NDUFAF6: variants seen among roughly 807,000 people sequenced by gnomAD.
The protein encoded by NDUFAF6 is NADH:ubiquinone oxidoreductase complex assembly factor 6.
In NDUFAF6, 45 loss-of-function variants were observed where a neutral mutation model predicts 40.8. That is an observed-to-expected ratio of 1.10 (90% confidence interval 0.87 to 1.42). NDUFAF6 has a LOEUF of 1.42. NDUFAF6 is among the 40% of genes most tolerant of loss of function. The pLI, the probability that NDUFAF6 is intolerant of heterozygous loss-of-function variation, is 0.00. For synonymous variants in NDUFAF6, 185 were observed against 155.9 expected (o/e 1.19, Z -1.39); for missense variants, 435 against 418.5 (o/e 1.04, Z -0.34).
intron 2 of NDUFAF6, among the ~76,000 whole-genome samples, chr8:95,006,168 G>A (rs985691776): frequency 1.5e-4 from 23 of 151,532 alleles, no homozygotes; most frequent in African/African-American, 5.3e-4. Flanking sequence ...GACCAGCCTG[G>A]CCAACATGGT....
chr8:95,067,542 G>A (rs1189782697), intron 9 of NDUFAF6: 2 of 151,964 alleles, frequency 1.3e-5, no homozygotes, highest in Non-Finnish European at 2.9e-5. Context: ...ACCTAGCAGG[G>A]CTAGGGGGAG....
intron 2 of NDUFAF6, among the ~76,000 whole-genome samples, chr8:95,014,945 T>C (rs1210376828): frequency 6.6e-6 from 1 of 152,224 alleles, no homozygotes; most frequent in Non-Finnish European, 1.5e-5. Context: ...CTACCATCTA[T>C]ATAATCCCCC....
intron 2 of NDUFAF6, among the ~76,000 whole-genome samples, chr8:95,088,516 G>T (rs994815249): frequency 1.3e-5 from 2 of 152,026 alleles, no homozygotes; most frequent in African/African-American, 4.8e-5. Flanking sequence ...CCCACACTTT[G>T]TAAAACAACA....
At chr8:95,002,282 A>G (rs749435217) in intron 2 of NDUFAF6, among the ~76,000 whole-genome samples, 1 of 152,076 alleles carries the variant, frequency 6.6e-6, no homozygotes, top group Non-Finnish European at 1.5e-5. Context: ...TTTCTTCTCT[A>G]TTATTCATTT....
At chr8:95,044,231 A>G (rs1229782750) in intron 4 of NDUFAF6, among the ~76,000 whole-genome samples, 1 of 151,512 alleles carries the variant, frequency 6.6e-6, no homozygotes, top group African/African-American at 2.4e-5. Context: ...GGAGGGGGGG[A>G]AATGGGAAGT....
intron 1 of NDUFAF6, among the ~76,000 whole-genome samples, chr8:94,908,513 G>A (rs920412475): frequency 2.6e-5 from 4 of 151,872 alleles, no homozygotes; most frequent in Admixed American, 1.3e-4. Flanking sequence ...GGGACTACAG[G>A]AATGCACCCT....
Position 95,025,033 on chromosome 8 carries a change from G to T in NDUFAF6, c.25G>T (p.Val9Phe). ...CATGGCGGCCTCCGCGCACGGCTCTGTCTGGGGGCCGTTGCGGCTTGGCAT... is the reference window on the plus strand; with the variant it reads ...CATGGCGGCCTCCGCGCACGGCTCTTTCTGGGGGCCGTTGCGGCTTGGCAT... MAASAHGS[V>F]WGPLRLGIPG... The change falls in exon 1 of 9, where the codon GTC (valine) becomes TTC (phenylalanine). Residue 9 changes from valine (V) to phenylalanine (F), a missense_variant. Coordinates refer to ENST00000396124, the MANE Select transcript of NDUFAF6 (RefSeq NM_152416.4). 1 of 1,410,024 alleles carries T rather than the reference G, an allele frequency of 7.1e-7. No homozygotes were observed. Among genetic ancestry groups the T allele is most frequent in the Non-Finnish European group, 9.1e-7 (1 of 1,094,244 alleles). 87.3% of individuals were successfully genotyped at this position (1,410,024 alleles called of 1,614,324 possible). A position where few individuals can be genotyped will look rare whatever the true frequency, so the allele number is the denominator to read the frequency against.
chr8:94,950,077 C>T (rs1174880829), intron 2 of NDUFAF6: 2 of 152,304 alleles, frequency 1.3e-5, no homozygotes, highest in Non-Finnish European at 2.9e-5. Flanking sequence ...GGCCTGAAGG[C>T]AGAGAGGTCA....
chr8:94,947,414 CCTT>C (rs1243949509), intron 2 of NDUFAF6, among the ~76,000 whole-genome samples: 1 of 152,168 alleles, frequency 6.6e-6, no homozygotes, highest in African/African-American at 2.4e-5. Flanking sequence ...TCAGAATTAT[CCTT>C]CTTTTTATCC....
chr8:95,065,638 C>T lies in NDUFAF6; in HGVS notation c.*512-9995C>T, dbSNP rs58362403. Among the ~76,000 whole-genome samples the T allele has an allele frequency of 8.3e-3, 1,262 of 152,168 alleles. 16 individuals are homozygous for T. Among genetic ancestry groups the T allele is most frequent in the African/African-American group, 0.029 (1,209 of 41,526 alleles). On this transcript the variant is annotated intron_variant and NMD_transcript_variant, in intron 9 of 9. Coordinates refer to the NDUFAF6 transcript ENST00000520757. ...GTTATAATCCAAATGTACTTAAGGC[C>T]TCCCAGCCTTATGAGGTCTACCTTT...
chr8:95,098,147 G>T (rs1190526446), upstream of NDUFAF6, among the ~76,000 whole-genome samples: 1 of 152,158 alleles, frequency 6.6e-6, no homozygotes, highest in Non-Finnish European at 1.5e-5. Context: ...TAAGCAAAAT[G>T]AATCTCTACT....
intron 1 of NDUFAF6, among the ~76,000 whole-genome samples, chr8:94,902,360 A>G (rs1369420668): frequency 6.6e-6 from 1 of 151,550 alleles, no homozygotes; most frequent in Non-Finnish European, 1.5e-5. Context: ...TGGACATTGC[A>G]GTGAGCCCAG....
At position 95,025,095 on chromosome 8, in the gene NDUFAF6, G is replaced by C; in HGVS notation, c.87G>C (p.Leu29=). The change falls in exon 1 of 9, where the codon CTG becomes CTC. Residue 29 remains leucine (L), a synonymous_variant. Transcript: ENST00000396124. ...GCTGCCGCCGGCCGCCTCTGGGTCT[G>C]TACGCGCGCATGCGGCGGCTGCCCG... ...GLCCRRPPLG[L]YARMRRLPGP... is the part of the protein sequence containing the mutation. The C allele has an allele frequency of 6.7e-7, 1 of 1,485,294 alleles. No homozygotes were observed. The highest frequency in any genetic ancestry group is 2.9e-5 in the East Asian group (1 of 34,918). 92.0% of individuals were successfully genotyped at this position (1,485,294 alleles called of 1,614,324 possible). A position where few individuals can be genotyped will look rare whatever the true frequency, so the allele number is the denominator to read the frequency against.
chr8:95,059,206 C>CT (rs1832503293), downstream of NDUFAF6, among the ~76,000 whole-genome samples: 1 of 152,160 alleles, frequency 6.6e-6, no homozygotes, highest in Admixed American at 6.5e-5. Context: ...TTTCAGTAGT[C>CT]TTGTCTCCTG....
downstream of NDUFAF6, among the ~76,000 whole-genome samples, chr8:95,076,686 C>T (rs1405248892): frequency 6.6e-6 from 1 of 152,016 alleles, no homozygotes; most frequent in East Asian, 1.9e-4. Flanking sequence ...CCAGACTGAC[C>T]AACATGGAGA....
At chr8:94,963,357 C>G (rs1174530485) in intron 1 of NDUFAF6, among the ~76,000 whole-genome samples, 1 of 152,054 alleles carries the variant, frequency 6.6e-6, no homozygotes, top group Non-Finnish European at 1.5e-5. Flanking sequence ...GGTGGAAAGA[C>G]CACCATATAA....
rs986823959 is a variant in NDUFAF6, at chr8:95,030,056, A to G, written c.198-1939A>G. ...TTGATGATTTTTATCTGAATCAGTT[A>G]ATACTATGATAGTTATCAAATGGTG... On this transcript the variant is annotated intron_variant, in intron 1 of 8. Transcript: ENST00000396124. Among the ~76,000 whole-genome samples, 3 of 152,280 alleles carry G rather than the reference A, an allele frequency of 2.0e-5. No homozygotes were observed. In the South Asian group the frequency reaches 6.2e-4, roughly 32 times the overall value.
At chr8:94,909,232 C>T (rs1296113089) in intron 1 of NDUFAF6, among the ~76,000 whole-genome samples, 1 of 151,678 alleles carries the variant, frequency 6.6e-6, no homozygotes, top group Non-Finnish European at 1.5e-5. Context: ...GTAAGTAATC[C>T]CAGCTACTTG....
chr8:95,050,425 A>C (rs189157094), intron 7 of NDUFAF6, among the ~76,000 whole-genome samples: 2 of 152,316 alleles, frequency 1.3e-5, no homozygotes, highest in East Asian at 3.9e-4. Flanking sequence ...ATGAGAGTGC[A>C]AACTCTGGAA....
Sources: gnomAD v4.1 joint callset for allele counts (sites outside exome capture counted in the v4.1 genomes callset) on GRCh38, gnomAD v4.1.1 for gene constraint, MANE v1.5 for transcripts, NCBI Gene and HGNC (gene_info 2026-07-23, HGNC 2026-07-21) for gene names.